The following DOCK2 variants were observed in gnomAD, a reference collection of about 807,000 sequenced individuals.
DOCK2 encodes dedicator of cytokinesis protein 2.
A neutral mutation model predicts 248.9 loss-of-function variants in DOCK2; 87 were observed. The ratio of observed to expected loss-of-function variants is 0.35; its 90% CI spans 0.29 to 0.42. The LOEUF is 0.42. DOCK2 is among the 10% of genes least tolerant of loss of function. The pLI, the probability that DOCK2 is intolerant of heterozygous loss-of-function variation, is 1.00. For missense variants in DOCK2, 1,747 were observed against 2,300.2 expected (o/e 0.76, Z 4.92); for synonymous variants, 805 against 821.6 (o/e 0.98, Z 0.35).
chr5:170,021,501 C>T lies in DOCK2; in HGVS notation c.3381+2393C>T, dbSNP rs150237056. ...TTGTGACCTGACAGATGTTTGGCAG[C>T]CTCAGAGAGTTTCACTCTAGTGTGA... On this transcript the variant is annotated intron_variant, in intron 33 of 51. Coordinates refer to ENST00000520908, the MANE Select transcript of DOCK2 (RefSeq NM_004946.3). Among the ~76,000 whole-genome samples the T allele has an allele frequency of 2.5e-4, 38 of 152,224 alleles. 1 individual carries two copies. The highest frequency in any genetic ancestry group is 4.3e-4 in the Non-Finnish European group (29 of 68,010).
chr5:169,787,978 CAT>C (rs771258403), intron 25 of DOCK2, among the ~76,000 whole-genome samples: 3 of 152,154 alleles, frequency 2.0e-5, no homozygotes, highest in African/African-American at 2.4e-5. Context: ...CTGTATCTCT[CAT>C]ATGGTTAAAC....
chr5:169,762,117 A>G lies in DOCK2; in HGVS notation c.2554+492A>G, dbSNP rs144787265. On this transcript the variant is annotated intron_variant, in intron 25 of 51. Transcript: ENST00000520908. The stretch of plus-strand genomic sequence containing the variant: ...TTATTTTGGAAAAGGTAACGCATTT[A>G]CATGGATGAAAATGAAAAGGTATGA... 3.2e-3 allele frequency among the ~76,000 whole-genome samples: 485 copies of G among 152,352 alleles called. 1 individual carries two copies. Among genetic ancestry groups the G allele is most frequent in the Non-Finnish European group, 4.0e-3 (273 of 68,032 alleles).
intron 20 of DOCK2, among the ~76,000 whole-genome samples, chr5:169,717,085 T>C (rs1446138577): frequency 2.6e-5 from 4 of 152,174 alleles, no homozygotes; most frequent in African/African-American, 7.2e-5. Context: ...AGATTCACAA[T>C]GTACATAAGT....
At chr5:169,774,644 C>T (rs1581170215) in intron 25 of DOCK2, among the ~76,000 whole-genome samples, 1 of 152,182 alleles carries the variant, frequency 6.6e-6, no homozygotes, top group Non-Finnish European at 1.5e-5. Flanking sequence ...CTCACACATG[C>T]TGGGCAGGTA....
At position 169,718,644 on chromosome 5, in the gene DOCK2, A is replaced by T. The variant is rs80250373; in HGVS notation, c.2133-13A>T. On this transcript the variant is annotated splice_polypyrimidine_tract_variant and intron_variant, in intron 21 of 51. Coordinates refer to ENST00000520908, the MANE Select transcript of DOCK2 (RefSeq NM_004946.3). ...GAAAGAGATGTATTTTGAAAATATT[A>T]TCCCTTATTCAGGAAATTGATGACA... 89,944 of 1,607,140 alleles carry T rather than the reference A, an allele frequency of 0.056. 2,933 individuals carry two copies. Among genetic ancestry groups the T allele is most frequent in the South Asian group, 0.11 (9,715 of 90,134 alleles).
At chr5:169,744,250 C>A (rs978043863) in intron 22 of DOCK2, among the ~76,000 whole-genome samples, 3 of 152,186 alleles carry the variant, frequency 2.0e-5, no homozygotes, top group African/African-American at 7.2e-5. Context: ...CTCTCTTTCT[C>A]GTGAAAATCA....
At position 170,008,528 on chromosome 5, in the gene DOCK2, C is replaced by CT; in HGVS notation, c.3108dup (p.Ile1037TyrfsTer22). ...AACAACTATTTTCATCTGGCAGTGG[C>CT]TTTTATCACCCAGGATTCTCTGCAG... On this transcript the variant is annotated frameshift_variant, in exon 31 of 52. Transcript: ENST00000520908. LOFTEE classifies it high-confidence loss of function. 6.2e-7 allele frequency: 1 copy of CT among 1,614,132 alleles called. No individual in the cohort carries two copies. Among genetic ancestry groups the CT allele is most frequent in the Non-Finnish European group, 8.5e-7 (1 of 1,179,968 alleles).
chr5:169,832,951 G>A (rs987343741), intron 26 of DOCK2, among the ~76,000 whole-genome samples: 1 of 152,192 alleles, frequency 6.6e-6, no homozygotes, highest in African/African-American at 2.4e-5. Flanking sequence ...AGCAGGCAGA[G>A]GAGGTGAGAT....
intron 23 of DOCK2, among the ~76,000 whole-genome samples, chr5:169,749,196 G>T (rs752528360): frequency 6.6e-6 from 1 of 152,166 alleles, no homozygotes; most frequent in Non-Finnish European, 1.5e-5. Flanking sequence ...AGCATCATTG[G>T]TTTTATGAAA....
chr5:169,705,646 G>GTA (rs1761221943), intron 14 of DOCK2, among the ~76,000 whole-genome samples: 1 of 152,166 alleles, frequency 6.6e-6, no homozygotes, highest in Non-Finnish European at 1.5e-5. Context: ...TATTAGAAGG[G>GTA]TATACTGAGC....
At chr5:170,058,473 C>A (rs1403322581) in intron 44 of DOCK2, among the ~76,000 whole-genome samples, 1 of 152,046 alleles carries the variant, frequency 6.6e-6, no homozygotes, top group East Asian at 1.9e-4. Context: ...TGAGGGATTG[C>A]TATTTTAAGT....
chr5:169,728,162 G>A (rs980360246), intron 22 of DOCK2, among the ~76,000 whole-genome samples: 6 of 152,210 alleles, frequency 3.9e-5, no homozygotes, highest in Admixed American at 3.3e-4. Flanking sequence ...ATTTGACCTG[G>A]CATTGCAAAC....
chr5:169,914,531 G>C (rs1335204814), intron 27 of DOCK2, among the ~76,000 whole-genome samples: 1 of 152,202 alleles, frequency 6.6e-6, no homozygotes, highest in Non-Finnish European at 1.5e-5. Context: ...GGCTAAATCA[G>C]AATGTTAAAA....
intron 27 of DOCK2, among the ~76,000 whole-genome samples, chr5:169,912,061 AC>A (rs1204405781): frequency 6.6e-6 from 1 of 152,158 alleles, no homozygotes; most frequent in African/African-American, 2.4e-5. Flanking sequence ...CTGTTGAACA[AC>A]CAAAGCACCT....
At chr5:169,769,708 C>A (rs1368365633) in intron 25 of DOCK2, among the ~76,000 whole-genome samples, 3 of 152,206 alleles carry the variant, frequency 2.0e-5, no homozygotes, top group Non-Finnish European at 4.4e-5. Flanking sequence ...GCTTTGGATG[C>A]AGGTGGCCCT....
At chr5:169,713,929 C>T in intron 17 of DOCK2, 99 bp from the exon 18 acceptor site, 3 of 1,354,804 alleles carry the variant, frequency 2.2e-6, no homozygotes, top group East Asian at 4.7e-5. Flanking sequence ...CTCTTTATGA[C>T]TCTCCCCACT....
intron 27 of DOCK2, among the ~76,000 whole-genome samples, chr5:169,943,425 A>G (rs910664024): frequency 6.6e-6 from 1 of 152,100 alleles, no homozygotes; most frequent in Non-Finnish European, 1.5e-5. Flanking sequence ...CAGACTTTTA[A>G]AAAATGTGAA....
At chr5:169,699,347 G>T (rs113783101) in intron 11 of DOCK2, 35 bp from the exon 12 acceptor site, 1 of 1,605,040 alleles carries the variant, frequency 6.2e-7, no homozygotes. Flanking sequence ...AGGAGGACAC[G>T]ATGTGGACAT....
At chr5:169,948,102 C>T (rs774059032) in intron 27 of DOCK2, among the ~76,000 whole-genome samples, 1 of 151,898 alleles carries the variant, frequency 6.6e-6, no homozygotes, top group Non-Finnish European at 1.5e-5. Flanking sequence ...CCATTCGGTA[C>T]ACACCCTCTT....
Sources: gnomAD v4.1 joint callset for allele counts (sites outside exome capture counted in the v4.1 genomes callset) on GRCh38, gnomAD v4.1.1 for gene constraint, MANE v1.5 for transcripts, NCBI Gene and HGNC (gene_info 2026-07-23, HGNC 2026-07-21) for gene names.